Variants in ACIN1 observed in about 807,000 individuals in gnomAD.
ACIN1 encodes the protein apoptotic chromatin condensation inducer 1, also known as apoptotic chromatin condensation inducer in the nucleus.
Under a neutral mutation model 146.6 loss-of-function variants are expected in ACIN1, and 16 were observed. The ratio of observed to expected loss-of-function variants is 0.11; its 90% CI spans 0.07 to 0.17. The LOEUF is 0.17. Among genes scored for constraint, ACIN1 ranks in the 10% least tolerant of loss-of-function variants. The pLI, the probability that ACIN1 is intolerant of heterozygous loss-of-function variation, is 1.00. For synonymous variants in ACIN1, 569 were observed against 582.7 expected (o/e 0.98, Z 0.34); for missense variants, 1,357 against 1,609.3 (o/e 0.84, Z 2.68).
intron 8 of ACIN1, among the ~76,000 whole-genome samples, chr14:23,077,252 G>A (rs1316780478): frequency 6.6e-6 from 1 of 152,048 alleles, no homozygotes; most frequent in Non-Finnish European, 1.5e-5. Flanking sequence ...TTACATATAG[G>A]GGAAATCATA....
At chr14:23,078,303 T>C (rs372089298) in intron 7 of ACIN1, 37 bp from the exon 8 acceptor site, 23 of 1,583,642 alleles carry the variant, frequency 1.5e-5, no homozygotes, top group South Asian at 4.4e-5. Flanking sequence ...GAGCAAAACA[T>C]TTAGATCTGC....
At chr14:23,070,982 G>A (rs1002956671) in intron 8 of ACIN1, 8 of 914,530 alleles carry the variant, frequency 8.7e-6, no homozygotes, top group East Asian at 2.8e-5. Flanking sequence ...TTAGAAACTG[G>A]GCAGGCAGGA....
chr14:23,069,240 G>A, intron 9 of ACIN1: 1 of 1,222,210 alleles, frequency 8.2e-7, no homozygotes, highest in African/African-American at 1.6e-5. Flanking sequence ...CAAACGTCTA[G>A]AGTCTGGGCA....
At chr14:23,071,450 T>A in intron 8 of ACIN1, 1 of 1,551,638 alleles carries the variant, frequency 6.4e-7, no homozygotes, top group Non-Finnish European at 8.7e-7. Flanking sequence ...TTCGGCTGGA[T>A]TGGTCTCTCT....
Position 23,090,242 on chromosome 14 carries a change from C to A in ACIN1, c.317-141G>T, listed in dbSNP as rs566781774. The A allele has an allele frequency of 3.4e-6, 4 of 1,190,220 alleles. No homozygotes were observed. The South Asian group carries it at 6.7e-5, about 20-fold the overall frequency. 73.7% of individuals were successfully genotyped at this position (1,190,220 alleles called of 1,614,324 possible). On this transcript the variant is annotated intron_variant, in intron 3 of 18. Transcript: ENST00000605057. ...AAGAGCACCGTATAAAAAGAAAAAA[C>A]TCCCTGGGATTCAGCTCTACTTCAT...
intron 4 of ACIN1, among the ~76,000 whole-genome samples, chr14:23,084,282 C>T (rs1203928495): frequency 6.6e-6 from 1 of 152,058 alleles, no homozygotes; most frequent in Non-Finnish European, 1.5e-5. Flanking sequence ...CTAAAATGAA[C>T]TAGGCGAATG....
chr14:23,070,998 G>C (rs149626044), intron 8 of ACIN1: 3 of 1,088,642 alleles, frequency 2.8e-6, no homozygotes, highest in African/African-American at 3.2e-5. Context: ...CAGGACAAAG[G>C]GGGAAGGCAG....
intron 1 of ACIN1, chr14:23,094,748 T>C (rs916659701): frequency 1.1e-5 from 8 of 727,958 alleles, no homozygotes; most frequent in Non-Finnish European, 1.5e-5. Flanking sequence ...TGGAGAGTAG[T>C]GCACACCCTC....
chr14:23,069,641 T>TGGGGGGGGGGTGGGGGGGG, intron 8 of ACIN1, 24 bp from the exon 9 acceptor site: 3 of 309,222 alleles, frequency 9.7e-6, no homozygotes, highest in East Asian at 7.1e-5. Flanking sequence ...GGAGTGGTGG[T>TGGGGGGGGGGTGGGGGGGG]GGGGGGGCGG....
In ACIN1 at chr14:23,061,564, T is replaced by C. The variant is rs1274441355; in HGVS notation, c.3158A>G (p.Gln1053Arg). 6.4e-7 allele frequency: 1 copy of C among 1,573,312 alleles called. No individual in the cohort carries two copies. ...GGGGTGCAGGGGCCGTGGTATTCCC[T>C]GCTCCTCTGTCTTAGTTTCAGAGGG... ...DRPSETKTEE[Q>R]GIPRPLHPPP... The change falls in exon 17 of 19, where the codon CAG becomes CGG. Residue 1053 changes from glutamine to arginine, a missense_variant. Around this residue, in one of 4 missense-constraint regions of ACIN1, gnomAD observed 509 missense variants for 719.6 expected, o/e 0.71. Coordinates refer to ENST00000605057, the MANE Select transcript of ACIN1 (RefSeq NM_001386863.1).
chr14:23,061,414 G>A lies in ACIN1; in HGVS notation c.3308C>T (p.Ser1103Leu), dbSNP rs751428529. Reference protein sequence around the residue: ...REMERRERTRSEREWDRDKVR... With the variant: ...REMERRERTRLEREWDRDKVR... Reference sequence around the variant, plus strand: ...TTTGTCCCGATCCCATTCACGCTCTGATCGAGTCCGCTCCCGCCGCTCCAT... The same window carrying A: ...TTTGTCCCGATCCCATTCACGCTCTAATCGAGTCCGCTCCCGCCGCTCCAT... Residue 1103 changes from serine (S) to leucine (L), a missense_variant, in exon 17 of 19, where the codon TCA becomes TTA. Physicochemically the swap from Ser to Leu is moderately radical, Grantham distance 145. Coordinates refer to ENST00000605057, the MANE Select transcript of ACIN1 (RefSeq NM_001386863.1). 6 of 1,613,754 alleles carry A rather than the reference G, an allele frequency of 3.7e-6. No homozygotes were observed. The South Asian group carries it at 6.6e-5, about 18-fold the overall frequency.
chr14:23,089,848 A>G, intron 4 of ACIN1, 134 bp downstream of exon 4: 1 of 1,230,192 alleles, frequency 8.1e-7, no homozygotes, highest in Non-Finnish European at 1.1e-6. Flanking sequence ...CATGAGAAAC[A>G]GATGTCAAAT....
intron 2 of ACIN1, among the ~76,000 whole-genome samples, chr14:23,091,195 G>A (rs1430486084): frequency 3.3e-5 from 5 of 151,982 alleles, no homozygotes; most frequent in African/African-American, 4.8e-5. Flanking sequence ...GTGAGCCACC[G>A]TGCCCAGCCA....
At chr14:23,084,566 C>T (rs1175027660) in intron 4 of ACIN1, among the ~76,000 whole-genome samples, 1 of 150,080 alleles carries the variant, frequency 6.7e-6, no homozygotes, top group Non-Finnish European at 1.5e-5. Context: ...GCCGAGATGG[C>T]GCTATTGCAC....
intron 4 of ACIN1, among the ~76,000 whole-genome samples, chr14:23,086,047 G>A (rs1047166274): frequency 5.3e-5 from 8 of 152,196 alleles, no homozygotes; most frequent in African/African-American, 1.9e-4. Flanking sequence ...TAGGATTTGT[G>A]GGACCAAAGT....
intron 4 of ACIN1, among the ~76,000 whole-genome samples, chr14:23,084,377 C>T (rs954751387): frequency 1.6e-4 from 25 of 152,204 alleles, no homozygotes; most frequent in Admixed American, 3.3e-4. Context: ...GAGGCCGAGG[C>T]GGGCAGATCA....
chr14:23,075,217 T>C (rs1037012268), intron 8 of ACIN1, among the ~76,000 whole-genome samples: 7 of 152,122 alleles, frequency 4.6e-5, no homozygotes, highest in Non-Finnish European at 1.0e-4. Flanking sequence ...GCCTGCTAGG[T>C]CTGTGCATAC....
At chr14:23,061,971 CAAAAAAAAAAAAAA>C (rs57962360) in intron 16 of ACIN1, among the ~76,000 whole-genome samples, 183 bp downstream of exon 16, 2 of 59,146 alleles carry the variant, frequency 3.4e-5, no homozygotes, top group African/African-American at 7.3e-5. Flanking sequence ...GACTCTGTCT[CAAAAAAAAAAAAAA>C]AAAAAAAAGG....
At chr14:23,082,478 C>T (rs1421033262) in intron 4 of ACIN1, among the ~76,000 whole-genome samples, 1 of 132,648 alleles carries the variant, frequency 7.5e-6, no homozygotes, top group Non-Finnish European at 1.6e-5. Context: ...TGGAGTCTCA[C>T]TCTGTCACCC....
Sources: gnomAD v4.1 joint callset for allele counts (sites outside exome capture counted in the v4.1 genomes callset) on GRCh38, gnomAD v4.1.1 for gene constraint, gnomAD v4.1.1 regional missense constraint, MANE v1.5 for transcripts, NCBI Gene and HGNC (gene_info 2026-07-23, HGNC 2026-07-21) for gene names.